Variants in SOX5 observed in about 807,000 individuals in gnomAD.
SOX5 encodes SRY-box transcription factor 5.
A neutral mutation model predicts 92.0 loss-of-function variants in SOX5; 9 were observed. That is an observed-to-expected ratio of 0.10 (90% confidence interval 0.06 to 0.17). SOX5 has a LOEUF of 0.17. Among genes scored for constraint, SOX5 ranks in the 10% least tolerant of loss-of-function variants. The pLI is 1.00. For synonymous variants in SOX5, 344 were observed against 336.3 expected, an observed-to-expected ratio of 1.02 and a Z score of -0.25; for missense variants, 642 against 944.5, an observed-to-expected ratio of 0.68 and a Z score of 4.20.
Position 23,755,726 on chromosome 12 carries a change from TAAGTA to T in SOX5, c.482-7_482-3del. Reference sequence around the variant, plus strand: ...GTAGTTTTTCAATACTGGGGGTTTCTAAGTAAAGAAAAAAAGAAGTGAGCAAATCA... The same window carrying T: ...GTAGTTTTTCAATACTGGGGGTTTCTAAGAAAAAAAGAAGTGAGCAAATCA... On this transcript the variant is annotated splice_region_variant and splice_polypyrimidine_tract_variant and intron_variant, in intron 3 of 14. Transcript: ENST00000451604. 1.3e-6 allele frequency: 2 copies of T among 1,546,670 alleles called. No individual in the cohort carries two copies. Among genetic ancestry groups the T allele is most frequent in the Admixed American group, 2.1e-5 (1 of 47,478 alleles).
At chr12:24,237,581 G>A (rs147144090) in intron 3 of SOX5, among the ~76,000 whole-genome samples, 210 of 150,184 alleles carry the variant, frequency 1.4e-3, no homozygotes, top group African/African-American at 5.0e-3. Flanking sequence ...CCTGGAAGTC[G>A]TAAGACTTTT....
chr12:23,876,125 TAGGCATGGTCTATTAAAAGTATAGTAAA>T (rs2096924264), intron 2 of SOX5, among the ~76,000 whole-genome samples: 2 of 152,166 alleles, frequency 1.3e-5, no homozygotes, highest in East Asian at 3.8e-4. Flanking sequence ...TAACTCTTTT[TAGGCATGGTCTATTAAAAGTATAGTAAA>T]AGGCACTGAT....
chr12:23,579,250 T>A (rs1949714919), intron 9 of SOX5, among the ~76,000 whole-genome samples: 1 of 152,174 alleles, frequency 6.6e-6, no homozygotes, highest in Non-Finnish European at 1.5e-5. Context: ...GCAGCACAGA[T>A]GTCTGAAAGC....
intron 3 of SOX5, among the ~76,000 whole-genome samples, chr12:24,235,982 A>G (rs1024407549): frequency 6.6e-6 from 1 of 152,064 alleles, no homozygotes; most frequent in Non-Finnish European, 1.5e-5. Flanking sequence ...AAGGTCAGGA[A>G]ATCAAGACAA....
Position 23,530,278 on chromosome 12 carries a change from G to A in SOX5, c.*3941C>T, listed in dbSNP as rs1474755246. 3 of 152,180 alleles carry A rather than the reference G, an allele frequency of 2.0e-5. No individual in the cohort carries two copies. Among genetic ancestry groups the A allele is most frequent in the African/African-American group, 4.8e-5 (2 of 41,438 alleles). 9.4% of individuals were successfully genotyped at this position (152,180 alleles called of 1,614,324 possible). On this transcript the variant is annotated 3_prime_UTR_variant, in exon 15 of 15. Coordinates refer to ENST00000451604, the MANE Select transcript of SOX5 (RefSeq NM_006940.6). ...TTTACCCATTAGAATGAGTGAAAGT[G>A]TAATTATTTTTTATGTTTTAAATGT...
At chr12:24,271,054 T>G (rs1943669196) in intron 3 of SOX5, among the ~76,000 whole-genome samples, 1 of 152,222 alleles carries the variant, frequency 6.6e-6, no homozygotes, top group African/African-American at 2.4e-5. Flanking sequence ...AAATTGCTAT[T>G]GCTTAAGCAA....
intron 3 of SOX5, among the ~76,000 whole-genome samples, chr12:23,770,416 T>C (rs1188452635): frequency 6.6e-6 from 1 of 152,152 alleles, no homozygotes; most frequent in African/African-American, 2.4e-5. Flanking sequence ...CTTGATTGAA[T>C]TGCAACCCTG....
intron 1 of SOX5, chr12:24,562,244 G>A (rs1954446811): frequency 2.0e-5 from 3 of 152,384 alleles, no homozygotes; most frequent in Non-Finnish European, 2.9e-5. Flanking sequence ...CGGGCCCGGC[G>A]AGCGGCAGAG....
intron 4 of SOX5, among the ~76,000 whole-genome samples, chr12:23,997,174 A>G (rs1951108494): frequency 6.6e-6 from 1 of 152,160 alleles, no homozygotes; most frequent in Admixed American, 6.6e-5. Context: ...GAAAAACAAT[A>G]AGAGTCTGTG....
chr12:24,178,105 C>T (rs993983805), intron 4 of SOX5, among the ~76,000 whole-genome samples: 2 of 152,156 alleles, frequency 1.3e-5, no homozygotes, highest in African/African-American at 4.8e-5. Context: ...ATTGAGTGTC[C>T]ATGTGGTTTG....
intron 11 of SOX5, among the ~76,000 whole-genome samples, chr12:23,554,955 G>GGAAA (rs1944876760): frequency 6.6e-6 from 1 of 152,060 alleles, no homozygotes; most frequent in African/African-American, 2.4e-5. Context: ...AGGAGAAGAA[G>GGAAA]GAAAGAATCA....
intron 1 of SOX5, among the ~76,000 whole-genome samples, chr12:23,908,771 A>C (rs1325320804): frequency 6.6e-6 from 1 of 152,096 alleles, no homozygotes; most frequent in Non-Finnish European, 1.5e-5. Context: ...AGCGGGATGC[A>C]GCTATGGTTG....
At chr12:23,595,973 T>G (rs1952349496) in intron 9 of SOX5, among the ~76,000 whole-genome samples, 1 of 152,194 alleles carries the variant, frequency 6.6e-6, no homozygotes, top group Non-Finnish European at 1.5e-5. Flanking sequence ...TGCTGTCTCA[T>G]TAACTGGTGG....
chr12:23,807,838 G>A (rs2095807845), intron 3 of SOX5, among the ~76,000 whole-genome samples: 1 of 151,760 alleles, frequency 6.6e-6, no homozygotes, highest in South Asian at 2.1e-4. Context: ...AGTAGAGATG[G>A]GGTTTCACTA....
intron 3 of SOX5, among the ~76,000 whole-genome samples, chr12:23,818,704 G>A (rs914013579): frequency 6.6e-6 from 1 of 151,196 alleles, no homozygotes; most frequent in Non-Finnish European, 1.5e-5. Flanking sequence ...AATAACACAG[G>A]GTAAAACACA....
intron 4 of SOX5, among the ~76,000 whole-genome samples, chr12:23,987,301 G>A (rs1229622869): frequency 6.6e-6 from 1 of 152,200 alleles, no homozygotes; most frequent in African/African-American, 2.4e-5. Context: ...TGGCATTTAG[G>A]CTGGGATCTG....
chr12:23,998,012 G>A lies in SOX5; in HGVS notation c.-1-101988C>T, dbSNP rs78337701. Among the ~76,000 whole-genome samples, 8 of 152,164 alleles carry A rather than the reference G, an allele frequency of 5.3e-5. No homozygotes were observed. The East Asian group carries it at 1.5e-3, about 29-fold the overall frequency. The stretch of plus-strand genomic sequence containing the variant: ...CCCAGCATTGCTGTATTATCAAATT[G>A]TACAGTTTTCAATGAAAAATCACAA... On this transcript the variant is annotated intron_variant, in intron 4 of 4. Coordinates refer to the SOX5 transcript ENST00000446891.
chr12:24,148,463 C>G (rs1321323714), intron 4 of SOX5, among the ~76,000 whole-genome samples: 2 of 133,974 alleles, frequency 1.5e-5, no homozygotes, highest in Non-Finnish European at 3.1e-5. Context: ...CCACTGCACT[C>G]CAGCCTAGGC....
At chr12:23,716,137 C>A (rs151310931) in intron 6 of SOX5, among the ~76,000 whole-genome samples, 2 of 152,086 alleles carry the variant, frequency 1.3e-5, no homozygotes, top group African/African-American at 4.8e-5. Context: ...TTTGGTAAAT[C>A]GTGTAACTTA....
Sources: gnomAD v4.1 joint callset for allele counts (sites outside exome capture counted in the v4.1 genomes callset) on GRCh38, gnomAD v4.1.1 for gene constraint, MANE v1.5 for transcripts, NCBI Gene and HGNC (gene_info 2026-07-23, HGNC 2026-07-21) for gene names.